RIPOR3: variants seen among roughly 807,000 people sequenced by gnomAD.
RIPOR3 encodes RIPOR family member 3.
In RIPOR3, 95 loss-of-function variants were observed where a neutral mutation model predicts 114.3. That is an observed-to-expected ratio of 0.83 (90% CI 0.70 to 0.99). The LOEUF (loss-of-function observed/expected upper bound fraction) is 0.99, where lower values mean the gene tolerates loss of function less well. Among genes scored for constraint, RIPOR3 ranks in the 50% least tolerant of loss-of-function variants. The pLI, the probability that RIPOR3 is intolerant of heterozygous loss-of-function variation, is 0.00. For synonymous variants in RIPOR3, 575 were observed against 543.8 expected (o/e 1.06, Z -0.80); for missense variants, 1,252 against 1,266.9 (o/e 0.99, Z 0.18).
chr20:50,629,979 T>C (rs560930893), intron 2 of RIPOR3, among the ~76,000 whole-genome samples: 23 of 151,642 alleles, frequency 1.5e-4, no homozygotes, highest in African/African-American at 5.4e-4. Context: ...TTTTTGTGGG[T>C]TTTTTTGAGA....
At chr20:50,682,574 T>G (rs948088794) in intron 1 of RIPOR3, among the ~76,000 whole-genome samples, 1 of 101,094 alleles carries the variant, frequency 9.9e-6, no homozygotes, top group Non-Finnish European at 2.3e-5. Context: ...ACCACTGCAC[T>G]CCAGCCTGGG....
intron 10 of RIPOR3, 38 bp from the exon 11 acceptor site, chr20:50,608,572 C>T (rs1193840904): frequency 3.1e-6 from 5 of 1,613,540 alleles, no homozygotes; most frequent in Non-Finnish European, 3.4e-6. Context: ...CTGAGCCGAA[C>T]ACCCAGGCAC....
At chr20:50,611,359 G>C (rs1252272981) in intron 4 of RIPOR3, among the ~76,000 whole-genome samples, 155 bp from the exon 5 acceptor site, 1 of 152,180 alleles carries the variant, frequency 6.6e-6, no homozygotes, top group Non-Finnish European at 1.5e-5. Flanking sequence ...CTCTGCCAAC[G>C]GCAGACTGCT....
At chr20:50,587,676 G>A in intron 21 of RIPOR3, 126 bp downstream of exon 21, 1 of 855,076 alleles carries the variant, frequency 1.2e-6, no homozygotes, top group Middle Eastern at 3.4e-4. Flanking sequence ...TGCCAGGGCT[G>A]CTAACGGTGC....
At chr20:50,603,138 C>G (rs540654909) in intron 12 of RIPOR3, among the ~76,000 whole-genome samples, 1 of 152,384 alleles carries the variant, frequency 6.6e-6, no homozygotes, top group African/African-American at 2.4e-5. Context: ...TGGCTGTGCA[C>G]TTCTCGGATT....
At chr20:50,662,865 C>T (rs2086043168) in intron 1 of RIPOR3, among the ~76,000 whole-genome samples, 1 of 152,122 alleles carries the variant, frequency 6.6e-6, no homozygotes, top group African/African-American at 2.4e-5. Context: ...GAGGCCGAGG[C>T]GGGTGGGTCA....
intron 1 of RIPOR3, among the ~76,000 whole-genome samples, chr20:50,664,413 G>A (rs577402353): frequency 3.3e-5 from 5 of 152,276 alleles, no homozygotes; most frequent in African/African-American, 9.6e-5. Flanking sequence ...GTCAGCAGTC[G>A]CACTGTTGGC....
intron 1 of RIPOR3, 100 bp from the exon 2 acceptor site, chr20:50,630,956 G>T (rs571359885): frequency 1.1e-6 from 1 of 906,194 alleles, no homozygotes; most frequent in African/African-American, 1.6e-5. Flanking sequence ...CCTCACAATG[G>T]CCCCAGAGTG....
intron 7 of RIPOR3, 29 bp from the exon 8 acceptor site, chr20:50,609,385 G>C (rs1236427444): frequency 6.2e-7 from 1 of 1,608,646 alleles, no homozygotes; most frequent in Non-Finnish European, 8.5e-7. Flanking sequence ...GGCTCAGCTG[G>C]CTGCCTGGGG....
intron 1 of RIPOR3, among the ~76,000 whole-genome samples, chr20:50,685,507 G>A (rs2086986137): frequency 1.3e-5 from 2 of 151,784 alleles, no homozygotes; most frequent in South Asian, 2.1e-4. Flanking sequence ...GAGCCACTGC[G>A]CCTGGCCTGA....
chr20:50,680,033 C>T (rs2086809082), intron 1 of RIPOR3, among the ~76,000 whole-genome samples: 1 of 152,216 alleles, frequency 6.6e-6, no homozygotes, highest in East Asian at 1.9e-4. Context: ...TGGTCCTCTC[C>T]TCCCAGCATC....
chr20:50,634,289 T>C (rs898085506), intron 1 of RIPOR3, among the ~76,000 whole-genome samples: 5 of 152,046 alleles, frequency 3.3e-5, no homozygotes, highest in African/African-American at 4.8e-5. Flanking sequence ...ACCAGGACAC[T>C]CATTTTTCAA....
intron 1 of RIPOR3, among the ~76,000 whole-genome samples, chr20:50,688,392 T>A (rs1037162838): frequency 6.6e-6 from 1 of 152,228 alleles, no homozygotes; most frequent in Non-Finnish European, 1.5e-5. Context: ...TGGGCTCAAA[T>A]GATCCTCCTG....
In RIPOR3 at chr20:50,669,101, C is replaced by G. The variant is rs192186944; in HGVS notation, c.3+22025G>C. 5.3e-5 allele frequency among the ~76,000 whole-genome samples: 8 copies of G among 152,172 alleles called. No individual in the cohort carries two copies. In the East Asian group the frequency reaches 1.5e-3, roughly 29 times the overall value. On this transcript the variant is annotated intron_variant, in intron 1 of 21. Transcript: ENST00000327979. Reference sequence around the variant, plus strand: ...CATATGTACACATGGCGCGCACACACCCATACATGCATGCTCACACATGTG... The same window carrying G: ...CATATGTACACATGGCGCGCACACAGCCATACATGCATGCTCACACATGTG...
At chr20:50,640,783 G>A (rs1167111821) in intron 1 of RIPOR3, among the ~76,000 whole-genome samples, 6 of 152,062 alleles carry the variant, frequency 3.9e-5, no homozygotes, top group Non-Finnish European at 7.4e-5. Context: ...CCACGCATGC[G>A]CCCACGAACA....
At chr20:50,654,597 C>T (rs190874793) in intron 1 of RIPOR3, among the ~76,000 whole-genome samples, 2 of 152,082 alleles carry the variant, frequency 1.3e-5, no homozygotes, top group East Asian at 3.9e-4. Context: ...ATAGGAGGCA[C>T]TCAGCAAACA....
chr20:50,636,899 T>C, intron 1 of RIPOR3: 1 of 985,420 alleles, frequency 1.0e-6, no homozygotes, highest in Non-Finnish European at 1.2e-6. Context: ...TATGGGCTTT[T>C]GGGGCTGGGT....
chr20:50,647,476 C>G (rs890046685), intron 1 of RIPOR3, among the ~76,000 whole-genome samples: 1 of 134,296 alleles, frequency 7.4e-6, no homozygotes, highest in Admixed American at 7.7e-5. Flanking sequence ...TTGCCTCATT[C>G]TCTTTTTTTT....
Position 50,602,071 on chromosome 20 carries a change from C to A in RIPOR3, c.1659+1G>T, listed in dbSNP as rs768025692. On this transcript the variant is annotated splice_donor_variant, in intron 13 of 21. Transcript: ENST00000327979. LOFTEE classifies it high-confidence loss of function. This position sits in a 1 kb window ranked among gnomAD's most constrained non-coding sequence, Gnocchi z 4.3. The stretch of plus-strand genomic sequence containing the variant: ...CACCGCCCGGGGCGGGGTGGCCATA[C>A]CTTCAGCCGGTCCCGGAAGCCGAGG... The A allele has an allele frequency of 5.8e-6, 9 of 1,549,066 alleles. No homozygotes were observed. In the South Asian group the frequency reaches 9.6e-5, roughly 17 times the overall value.
Sources: allele counts gnomAD v4.1 joint callset (sites outside exome capture counted in the v4.1 genomes callset), GRCh38; gene constraint gnomAD v4.1.1; non-coding constraint Gnocchi (gnomAD v3.1); transcripts MANE v1.5; gene names NCBI Gene and HGNC (gene_info 2026-07-23, HGNC 2026-07-21).